PAPPA: variants seen among roughly 807,000 people sequenced by gnomAD.
The protein encoded by PAPPA is pappalysin 1.
In PAPPA, 60 loss-of-function variants were observed where a neutral mutation model predicts 164.0. The observed-to-expected ratio is 0.37, with a 90% CI of 0.30 to 0.45. The LOEUF is 0.45. Among genes scored for constraint, PAPPA ranks in the 20% least tolerant of loss-of-function variants. The pLI, the probability that PAPPA is intolerant of heterozygous loss-of-function variation, is 1.00. For synonymous variants in PAPPA, 875 were observed against 814.1 expected (o/e 1.07, Z -1.27); for missense variants, 1,782 against 2,087.3 (o/e 0.85, Z 2.85).
chr9:116,344,372 A>G (rs568352603), intron 13 of PAPPA, among the ~76,000 whole-genome samples, 171 bp from the exon 14 acceptor site: 4 of 152,274 alleles, frequency 2.6e-5, no homozygotes, highest in Middle Eastern at 6.8e-3. Flanking sequence ...TTAATGAGAA[A>G]CTTTAATCGC....
intron 2 of PAPPA, among the ~76,000 whole-genome samples, chr9:116,188,580 C>T (rs1289322623): frequency 6.6e-6 from 1 of 151,974 alleles, no homozygotes; most frequent in Non-Finnish European, 1.5e-5. Flanking sequence ...GCAACATGTG[C>T]CTACTTAAAT....
rs751577298 is a variant in PAPPA at position 116,187,637 on chromosome 9, T to A, written c.899T>A (p.Met300Lys). 1 of 1,614,176 alleles carries A rather than the reference T, an allele frequency of 6.2e-7. No homozygotes were observed. Among genetic ancestry groups the A allele is most frequent in the East Asian group, 2.2e-5 (1 of 44,864 alleles). ...WDNVKHAWSP[M>K]KDGSSPKVEF... is the part of the protein sequence containing the mutation. ...AATGTGAAGCATGCCTGGTCCCCCA[T>A]GAAGGATGGCAGCAGCCCCAAAGTG... Residue 300 changes from methionine (M) to lysine (K), a missense_variant, in exon 2 of 22, where the codon ATG (methionine) becomes AAG (lysine). Coordinates refer to ENST00000328252, the MANE Select transcript of PAPPA (RefSeq NM_002581.5). The surrounding 1 kb of genome is among the most constrained non-coding windows in gnomAD (Gnocchi z 4.2).
Position 116,154,035 on chromosome 9 carries a change from A to C in PAPPA, c.-138A>C, listed in dbSNP as rs1843565773. 9.1e-7 allele frequency: 1 copy of C among 1,094,820 alleles called. No individual in the cohort carries two copies. The highest frequency in any genetic ancestry group is 4.2e-4 in the Middle Eastern group (1 of 2,406). 67.8% of individuals were successfully genotyped at this position (1,094,820 alleles called of 1,614,324 possible). On this transcript the variant is annotated 5_prime_UTR_variant, in exon 1 of 22. Transcript: ENST00000328252. The surrounding 1 kb of genome is among the most constrained non-coding windows in gnomAD (Gnocchi z 5.2). Reference sequence around the variant, plus strand: ...CCTTGAGGAGGAAAGCGAGAAAGAAAAGAAAAAAGCAAGTGGAAAGGGGGG... The same window carrying C: ...CCTTGAGGAGGAAAGCGAGAAAGAACAGAAAAAAGCAAGTGGAAAGGGGGG...
chr9:116,158,808 G>A (rs192648191), intron 1 of PAPPA, among the ~76,000 whole-genome samples: 133 of 152,206 alleles, frequency 8.7e-4, no homozygotes, highest in Non-Finnish European at 5.0e-4. Context: ...AGTGTGTATC[G>A]TCGCCTGTAC....
intron 7 of PAPPA, among the ~76,000 whole-genome samples, chr9:116,261,772 A>C (rs937348450): frequency 6.6e-6 from 1 of 152,232 alleles, no homozygotes; most frequent in African/African-American, 2.4e-5. Flanking sequence ...GAATACTGAG[A>C]TCATATCAAC....
chr9:116,395,413 G>T (rs1041893722), intron 21 of PAPPA, among the ~76,000 whole-genome samples: 5 of 152,246 alleles, frequency 3.3e-5, no homozygotes, highest in African/African-American at 4.8e-5. Context: ...ACCACTTGGA[G>T]ACCCTGCCCA....
chr9:116,300,949 G>A (rs775752206), intron 9 of PAPPA, among the ~76,000 whole-genome samples: 1 of 151,874 alleles, frequency 6.6e-6, no homozygotes, highest in African/African-American at 2.4e-5. Flanking sequence ...GGTTTTCCTG[G>A]TTGGGACTAT....
At chr9:116,363,061 A>G (rs1846450412) in intron 18 of PAPPA, among the ~76,000 whole-genome samples, 1 of 152,216 alleles carries the variant, frequency 6.6e-6, no homozygotes, top group African/African-American at 2.4e-5. Flanking sequence ...AAGAAATGCT[A>G]TTGCAGGCAG....
chr9:116,249,724 A>T (rs541087060), intron 7 of PAPPA, among the ~76,000 whole-genome samples: 1 of 152,158 alleles, frequency 6.6e-6, no homozygotes, highest in Non-Finnish European at 1.5e-5. Flanking sequence ...AATCAAAAGG[A>T]GGAGGCAGGT....
intron 5 of PAPPA, among the ~76,000 whole-genome samples, chr9:116,220,587 A>G (rs942526086): frequency 1.3e-5 from 2 of 151,542 alleles, no homozygotes; most frequent in African/African-American, 4.8e-5. Context: ...ACATATTTAC[A>G]TATAAGAATA....
Position 116,231,681 on chromosome 9 carries a change from G to C in PAPPA, c.2234-3458G>C, listed in dbSNP as rs1194712519. On this transcript the variant is annotated intron_variant, in intron 6 of 21. Transcript: ENST00000328252. Reference sequence around the variant, plus strand: ...TGGGCGGATGGATGGATGGATGGATGGATGGATGGATGGATGGATGGATGG... The same window carrying C: ...TGGGCGGATGGATGGATGGATGGATCGATGGATGGATGGATGGATGGATGG... Among the ~76,000 whole-genome samples, 6 of 146,984 alleles carry C rather than the reference G, an allele frequency of 4.1e-5. No individual in the cohort carries two copies. The East Asian group carries it at 1.2e-3, about 29-fold the overall frequency.
In PAPPA at chr9:116,321,030, A is replaced by AT. The variant is rs373269177; in HGVS notation, c.3148-10199dup. On this transcript the variant is annotated intron_variant, in intron 10 of 21. Transcript: ENST00000328252. ...ATGTAAAGTGGTATTGTTGTTATAC[A>AT]TTTTTTTTTTTTTTTGAGACGGAGT... 9.8e-3 allele frequency among the ~76,000 whole-genome samples: 1,404 copies of AT among 142,930 alleles called. 9 individuals are homozygous for AT. The highest frequency in any genetic ancestry group is 0.027 in the African/African-American group (1,039 of 39,050). The allele number at this position is 142,930 out of a possible 152,430, so 93.8% of individuals were successfully genotyped here.
chr9:116,242,583 T>C (rs1844748937), intron 7 of PAPPA, among the ~76,000 whole-genome samples: 1 of 152,216 alleles, frequency 6.6e-6, no homozygotes, highest in Admixed American at 6.5e-5. Context: ...TGGTGGGCAT[T>C]TAGGTCACTT....
At chr9:116,230,196 A>G (rs1484076794) in intron 6 of PAPPA, among the ~76,000 whole-genome samples, 2 of 152,188 alleles carry the variant, frequency 1.3e-5, no homozygotes, top group East Asian at 1.9e-4. Flanking sequence ...TTTTTAGAGC[A>G]TCCTATTACA....
At chr9:116,266,034 A>C in intron 8 of PAPPA, 49 bp downstream of exon 8, 3 of 1,534,872 alleles carry the variant, frequency 2.0e-6, no homozygotes, top group Non-Finnish European at 2.7e-6. Flanking sequence ...TGGTTAGGTC[A>C]AGAGATGGTT....
Position 116,334,913 on chromosome 9 carries a change from T to C in PAPPA, c.3450T>C (p.His1150=). 9 of 1,613,772 alleles carry C rather than the reference T, an allele frequency of 5.6e-6. No individual in the cohort carries two copies. Among genetic ancestry groups the C allele is most frequent in the Non-Finnish European group, 7.6e-6 (9 of 1,179,942 alleles). Residue 1150 remains histidine (H), a synonymous_variant, in exon 13 of 22, where the codon CAT becomes CAC. Coordinates refer to ENST00000328252, the MANE Select transcript of PAPPA (RefSeq NM_002581.5). The part of the protein sequence containing the change: ...RNNPLIIPVV[H]DLSQPFYHSQ... ...ATCCCCTGATTATCCCTGTGGTCCATGACCTCAGCCAGCCCTTCTACCACA... is the reference window on the plus strand; with the variant it reads ...ATCCCCTGATTATCCCTGTGGTCCACGACCTCAGCCAGCCCTTCTACCACA...
intron 9 of PAPPA, among the ~76,000 whole-genome samples, chr9:116,301,159 T>C (rs1275352341): frequency 6.6e-6 from 1 of 152,132 alleles, no homozygotes; most frequent in African/African-American, 2.4e-5. Context: ...AGGGTGACCA[T>C]ATATCCTGAT....
intron 18 of PAPPA, 130 bp from the exon 19 acceptor site, chr9:116,367,515 C>T (rs373167192): frequency 3.0e-6 from 2 of 668,104 alleles, no homozygotes; most frequent in African/African-American, 3.5e-5. Context: ...TTCTCCTTCC[C>T]ACTGCCTTCA....
intron 1 of PAPPA, among the ~76,000 whole-genome samples, chr9:116,157,109 C>A (rs1472264592): frequency 6.6e-6 from 1 of 152,226 alleles, no homozygotes; most frequent in Admixed American, 6.5e-5. Flanking sequence ...GGCTGCCTTA[C>A]ATCACTCTTT....
Sources: allele counts gnomAD v4.1 joint callset (sites outside exome capture counted in the v4.1 genomes callset), GRCh38; gene constraint gnomAD v4.1.1; non-coding constraint Gnocchi (gnomAD v3.1); transcripts MANE v1.5; gene names NCBI Gene and HGNC (gene_info 2026-07-23, HGNC 2026-07-21).